The following FGF13 variants were observed in gnomAD, a reference collection of about 807,000 sequenced individuals.
FGF13 encodes the protein fibroblast growth factor homologous factor 2.
FGF13 carries 2 observed loss-of-function variants against 19.5 expected under a neutral mutation model. The ratio of observed to expected loss-of-function variants is 0.10; its 90% CI spans 0.04 to 0.32. The LOEUF is 0.32. Ranked by LOEUF, FGF13 falls within the 10% of genes least tolerant of loss-of-function variation. The probability of loss-of-function intolerance (pLI) is 1.00; values close to 1 mark genes in which losing one functional copy is unlikely to be tolerated. For missense variants in FGF13, 113 were observed against 192.7 expected, an observed-to-expected ratio of 0.59 and a Z score of 2.45; for synonymous variants, 72 against 76.9, an observed-to-expected ratio of 0.94 and a Z score of 0.33.
Position 138,945,574 on chromosome X carries a change from C to T in FGF13, c.-112-80924G>A, listed in dbSNP as rs756937899. ...GTATTAACAGGGGTTGCCAACAGAACGAATTAACCCTTTGTCAGGGAAGTA... is the reference window on the plus strand; with the variant it reads ...GTATTAACAGGGGTTGCCAACAGAATGAATTAACCCTTTGTCAGGGAAGTA... On this transcript the variant is annotated intron_variant, in intron 1 of 2. Coordinates refer to the FGF13 transcript ENST00000421460. Among the ~76,000 whole-genome samples the T allele has an allele frequency of 8.2e-4, 91 of 111,590 alleles. 1 individual carries two copies. The highest frequency in any genetic ancestry group is 2.9e-3 in the African/African-American group (88 of 30,734).
chrX:139,011,907 G>T (rs2092130071), intron 1 of FGF13, among the ~76,000 whole-genome samples: 1 of 111,295 alleles, frequency 9.0e-6, no homozygotes, highest in Admixed American at 9.6e-5. Flanking sequence ...AACTATTGCT[G>T]TTTGCTGATG....
rs765076573 is a variant in FGF13 at position 139,026,182 on chromosome X, ATATC to A, written c.-112-161536_-112-161533del. Among the ~76,000 whole-genome samples the A allele has an allele frequency of 5.4e-5, 6 of 111,159 alleles. No individual in the cohort carries two copies. The South Asian group carries it at 1.9e-3, about 35-fold the overall frequency. ...TAATTAACATTTTTAACAATAATATATATCTATTAAAAGATGATGCCCTCATCTT... is the reference window on the plus strand; with the variant it reads ...TAATTAACATTTTTAACAATAATATATATTAAAAGATGATGCCCTCATCTT... On this transcript the variant is annotated intron_variant, in intron 1 of 2. Coordinates refer to the FGF13 transcript ENST00000421460.
At chrX:138,677,686 C>G (rs1485798606) in intron 3 of FGF13, among the ~76,000 whole-genome samples, 1 of 111,532 alleles carries the variant, frequency 9.0e-6, no homozygotes, top group Admixed American at 9.5e-5. Flanking sequence ...ACAACAGGTG[C>G]TGGAGACGAT....
At chrX:138,908,931 C>G (rs2091573303) in intron 1 of FGF13, among the ~76,000 whole-genome samples, 1 of 112,144 alleles carries the variant, frequency 8.9e-6, no homozygotes. Flanking sequence ...ATACACAGAA[C>G]ATAGTACATC....
chrX:138,935,959 G>A (rs1053317188), intron 1 of FGF13, among the ~76,000 whole-genome samples: 1 of 112,314 alleles, frequency 8.9e-6, no homozygotes, highest in East Asian at 2.8e-4. Flanking sequence ...CAGCCTGGCT[G>A]GGCTGTGGGA....
At chrX:138,984,689 G>GAA in intron 1 of FGF13, among the ~76,000 whole-genome samples, 1 of 16,899 alleles carries the variant, frequency 5.9e-5, no homozygotes, top group Admixed American at 5.0e-4. Context: ...AGAAGAAGAA[G>GAA]GAGGAGAAGA....
At chrX:139,183,937 GGCT>G (rs374441941) in intron 1 of FGF13, among the ~76,000 whole-genome samples, 8 of 111,729 alleles carry the variant, frequency 7.2e-5, no homozygotes, top group African/African-American at 2.6e-4. Context: ...CCTCTGGAGA[GGCT>G]GATCTATCTA....
At chrX:139,197,658 A>G (rs2084383136) in intron 1 of FGF13, among the ~76,000 whole-genome samples, 2 of 111,502 alleles carry the variant, frequency 1.8e-5, no homozygotes, top group African/African-American at 6.5e-5. Context: ...GTCAGAAACC[A>G]AAGAGTGCAT....
rs1207577389 is a variant in FGF13, at chrX:139,068,466, C to T, written c.-113+134950G>A. ...TTGGCTTAGGATTGACTTGGCGATG[C>T]GGGCTCTTTTTTGGTTCCATATGAA... On this transcript the variant is annotated intron_variant, in intron 1 of 2. Transcript: ENST00000421460. Among the ~76,000 whole-genome samples, 73 of 102,325 alleles carry T rather than the reference C, an allele frequency of 7.1e-4. 1 individual carries two copies. The East Asian group carries it at 0.015, about 21-fold the overall frequency. The allele number at this position is 102,325 out of a possible 115,157, so 88.9% of individuals were successfully genotyped here.
chrX:138,711,004 G>A lies in FGF13; in HGVS notation c.-1C>T, dbSNP rs2090040163. ...GCGAGCTGGCGATAGCCGCCGCCAT[G>A]GCCACGACGCCCACCACCACCGCTT... On this transcript the variant is annotated 5_prime_UTR_variant, in exon 1 of 5. Coordinates refer to ENST00000315930, the MANE Select transcript of FGF13 (RefSeq NM_004114.5). 3.3e-6 allele frequency: 4 copies of A among 1,207,759 alleles called. No homozygotes were observed. Among genetic ancestry groups the A allele is most frequent in the Admixed American group, 2.2e-5 (1 of 45,906 alleles).
At chrX:139,151,641 T>C (rs2083935278) in intron 1 of FGF13, among the ~76,000 whole-genome samples, 1 of 112,141 alleles carries the variant, frequency 8.9e-6, no homozygotes, top group Admixed American at 9.5e-5. Flanking sequence ...TTTGGATGAA[T>C]TTTTTAAACA....
chrX:138,831,239 C>A (rs1266096214), intron 3 of FGF13, among the ~76,000 whole-genome samples: 1 of 111,860 alleles, frequency 8.9e-6, no homozygotes, highest in Non-Finnish European at 1.9e-5. Context: ...TAATTAGAAA[C>A]TTGTCACAGG....
At chrX:138,929,090 G>A (rs2091687821) in intron 1 of FGF13, among the ~76,000 whole-genome samples, 1 of 112,120 alleles carries the variant, frequency 8.9e-6, no homozygotes, top group African/African-American at 3.2e-5. Context: ...GATTGGATAA[G>A]AATGGACAAC....
At position 138,626,353 on chromosome X, in the gene FGF13, ATTCTG is replaced by A. The variant is rs768311973; in HGVS notation, c.*6492_*6496del. 1.8e-5 allele frequency: 2 copies of A among 111,846 alleles called. No homozygotes were observed. The highest frequency in any genetic ancestry group is 1.9e-4 in the Admixed American group (2 of 10,569). The allele number at this position is 111,846 out of a possible 1,213,427, so 9.2% of individuals were successfully genotyped here. On this transcript the variant is annotated 3_prime_UTR_variant, in exon 5 of 5. Transcript: ENST00000315930. Reference sequence around the variant, plus strand: ...GAAGCTCTATGCCTTCACTTATACTATTCTGTTCTGTTTTGTTTTATGTGACACAG... The same window carrying A: ...GAAGCTCTATGCCTTCACTTATACTATTCTGTTTTGTTTTATGTGACACAG...
chrX:138,857,517 G>A (rs1217019171), exon 3 of FGF13: 3 of 1,189,898 alleles, frequency 2.5e-6, no homozygotes, highest in East Asian at 3.0e-5. Flanking sequence ...CAAACCTTCC[G>A]GCTCTGTGTT....
At chrX:139,172,380 C>T (rs1314739322) in intron 1 of FGF13, among the ~76,000 whole-genome samples, 1 of 111,408 alleles carries the variant, frequency 9.0e-6, no homozygotes, top group Non-Finnish European at 1.9e-5. Flanking sequence ...GCCTTGTTTC[C>T]TGATTCAAAT....
At chrX:139,104,846 C>G (rs988301381) in intron 1 of FGF13, among the ~76,000 whole-genome samples, 4 of 110,915 alleles carry the variant, frequency 3.6e-5, no homozygotes, top group Non-Finnish European at 5.7e-5. Context: ...AAATGCCTCA[C>G]TTCCTAATAA....
intron 1 of FGF13, among the ~76,000 whole-genome samples, chrX:139,128,445 A>G (rs1167067191): frequency 1.8e-5 from 2 of 111,955 alleles, no homozygotes; most frequent in African/African-American, 6.5e-5. Flanking sequence ...CCTTGAGGCT[A>G]ATTGTTCTCC....
At chrX:139,093,154 G>A (rs1350021055) in intron 1 of FGF13, among the ~76,000 whole-genome samples, 3 of 112,268 alleles carry the variant, frequency 2.7e-5, no homozygotes, top group Non-Finnish European at 5.6e-5. Flanking sequence ...CCAATGGCGA[G>A]CAAAATCATC....
Sources: allele counts gnomAD v4.1 joint callset (sites outside exome capture counted in the v4.1 genomes callset), GRCh38; gene constraint gnomAD v4.1.1; transcripts MANE v1.5; gene names NCBI Gene and HGNC (gene_info 2026-07-23, HGNC 2026-07-21).